FRMD6: variants seen among roughly 807,000 people sequenced by gnomAD.
FRMD6 encodes FERM domain containing 6, also known as FERM domain-containing protein 6.
A neutral mutation model predicts 73.2 loss-of-function variants in FRMD6; 37 were observed. The ratio of observed to expected loss-of-function variants is 0.51; its 90% CI spans 0.39 to 0.66. The LOEUF is 0.66. FRMD6 is among the 30% of genes least tolerant of loss of function. The probability of loss-of-function intolerance (pLI) is 0.00; values close to 1 mark genes in which losing one functional copy is unlikely to be tolerated. For synonymous variants in FRMD6, 273 were observed against 282.2 expected, an observed-to-expected ratio of 0.97 and a Z score of 0.33; for missense variants, 714 against 780.5, an observed-to-expected ratio of 0.91 and a Z score of 1.02.
chr14:51,559,498 C>A (rs1377980297), intron 1 of FRMD6, among the ~76,000 whole-genome samples: 1 of 149,290 alleles, frequency 6.7e-6, no homozygotes, highest in Admixed American at 6.7e-5. Flanking sequence ...TTTTTTTAAG[C>A]AAGCCTTCCT....
At chr14:51,601,343 AT>A (rs1890029311) in intron 2 of FRMD6, among the ~76,000 whole-genome samples, 1 of 152,166 alleles carries the variant, frequency 6.6e-6, no homozygotes. Context: ...GTAGGATGTG[AT>A]TTTTAGGAAA....
chr14:51,720,807 G>A (rs1252854762), intron 11 of FRMD6, among the ~76,000 whole-genome samples: 2 of 152,152 alleles, frequency 1.3e-5, no homozygotes, highest in African/African-American at 4.8e-5. Flanking sequence ...ATGCCATTGA[G>A]TTACTTAGTA....
the FRMD6 span, among the ~76,000 whole-genome samples, chr14:51,426,999 C>G: frequency 4.6e-5 from 7 of 152,180 alleles, no homozygotes; most frequent in Admixed American, 4.6e-4. Context: ...GGAACAGTTA[C>G]CAATTTTTCT....
At chr14:51,538,485 A>G (rs942192052) in intron 1 of FRMD6, among the ~76,000 whole-genome samples, 4 of 152,190 alleles carry the variant, frequency 2.6e-5, no homozygotes, top group Admixed American at 1.3e-4. Context: ...ATCCAAGAAC[A>G]GGAAGATTTA....
intron 2 of FRMD6, among the ~76,000 whole-genome samples, chr14:51,628,378 G>A (rs1378116966): frequency 6.6e-6 from 1 of 152,086 alleles, no homozygotes; most frequent in Non-Finnish European, 1.5e-5. Context: ...CCCTTTTAGA[G>A]TTGTGTAATG....
Position 51,701,129 on chromosome 14 carries a change from C to T in FRMD6, c.264C>T (p.Ala88=). The change falls in exon 4 of 14, where the codon GCC becomes GCT. Residue 88 remains alanine (A), a synonymous_variant. Coordinates refer to ENST00000344768, the MANE Select transcript of FRMD6 (RefSeq NM_001267046.2). Reference sequence around the variant, plus strand: ...GTCCAAAAGAATGGAAGAAAGAGGCCAGCAAGGTACGACAATACGAAGTCA... The same window carrying T: ...GTCCAAAAGAATGGAAGAAAGAGGCTAGCAAGGTACGACAATACGAAGTCA... The part of the protein sequence containing the change: ...KYCPKEWKKE[A]SKVRQYEVTW... 6.3e-7 allele frequency: 1 copy of T among 1,582,370 alleles called. No homozygotes were observed. Among genetic ancestry groups the T allele is most frequent in the Non-Finnish European group, 8.6e-7 (1 of 1,161,212 alleles).
intron 10 of FRMD6, among the ~76,000 whole-genome samples, chr14:51,718,759 G>C (rs1253978487): frequency 6.6e-6 from 1 of 152,110 alleles, no homozygotes; most frequent in African/African-American, 2.4e-5. Flanking sequence ...CAGTTCCTTA[G>C]AACAATGTGA....
intron 1 of FRMD6, among the ~76,000 whole-genome samples, chr14:51,551,222 G>A (rs963665870): frequency 6.6e-6 from 1 of 152,114 alleles, no homozygotes; most frequent in Non-Finnish European, 1.5e-5. Flanking sequence ...AATCCAGAAG[G>A]TTTATTCTTG....
intron 2 of FRMD6, among the ~76,000 whole-genome samples, chr14:51,646,731 C>T (rs1892092925): frequency 6.6e-6 from 1 of 151,188 alleles, no homozygotes; most frequent in Non-Finnish European, 1.5e-5. Context: ...TGTACTAGAG[C>T]TCTTCTATCT....
At chr14:51,500,961 A>G (rs989716345) in intron 1 of FRMD6, among the ~76,000 whole-genome samples, 4 of 152,218 alleles carry the variant, frequency 2.6e-5, no homozygotes, top group African/African-American at 9.6e-5. Flanking sequence ...GGATTTTGCC[A>G]TGAATAGTTA....
At chr14:51,603,550 G>C (rs1479124259) in intron 2 of FRMD6, among the ~76,000 whole-genome samples, 1 of 151,958 alleles carries the variant, frequency 6.6e-6, no homozygotes, top group African/African-American at 2.4e-5. Context: ...TGATACTAGA[G>C]ATGGTTAGAA....
the FRMD6 span, among the ~76,000 whole-genome samples, chr14:51,423,025 A>G: frequency 6.6e-6 from 1 of 152,182 alleles, no homozygotes; most frequent in Non-Finnish European, 1.5e-5. Flanking sequence ...TGAACATGGA[A>G]GTCTTCCCCA....
At chr14:51,450,873 G>A in the FRMD6 span, among the ~76,000 whole-genome samples, 2 of 152,178 alleles carry the variant, frequency 1.3e-5, no homozygotes, top group Admixed American at 1.3e-4. Flanking sequence ...GAGGCAAGGA[G>A]AATGCTGTGT....
At chr14:51,521,731 G>T (rs1404419979) in intron 1 of FRMD6, among the ~76,000 whole-genome samples, 1 of 150,470 alleles carries the variant, frequency 6.6e-6, no homozygotes, top group Non-Finnish European at 1.5e-5. Flanking sequence ...AAAAAAAAAA[G>T]GCTAGCAGGG....
At chr14:51,701,373 A>C (rs1251683862) in intron 4 of FRMD6, among the ~76,000 whole-genome samples, 3 of 145,154 alleles carry the variant, frequency 2.1e-5, no homozygotes, top group Non-Finnish European at 4.5e-5. Context: ...ATATATGCTG[A>C]GTATATATAT....
At chr14:51,599,058 CTTTTTTTTT>C (rs59151771) in intron 2 of FRMD6, among the ~76,000 whole-genome samples, 2,576 of 72,848 alleles carry the variant, frequency 0.035, 121 homozygotes, top group African/African-American at 0.13. Flanking sequence ...CAGTATCTGT[CTTTTTTTTT>C]TTTTTTTTTT....
intron 1 of FRMD6, among the ~76,000 whole-genome samples, chr14:51,500,387 C>CGTG (rs1883544004): frequency 6.6e-6 from 1 of 151,984 alleles, no homozygotes; most frequent in East Asian, 1.9e-4. Flanking sequence ...ATTAGCCAGG[C>CGTG]GTGGTGGCAC....
chr14:51,464,006 C>T, the FRMD6 span, among the ~76,000 whole-genome samples: 3 of 152,108 alleles, frequency 2.0e-5, no homozygotes, highest in South Asian at 2.1e-4. Context: ...GACGGGGTTT[C>T]GCTATGTTGC....
intron 2 of FRMD6, chr14:51,637,586 C>G (rs1467523): frequency 0.75 from 114,090 of 151,632 alleles, 43,340 homozygotes; most frequent in Non-Finnish European, 0.81. Context: ...CAAATGGCAT[C>G]TTATCAGCGC....
Sources: allele counts gnomAD v4.1 joint callset (sites outside exome capture counted in the v4.1 genomes callset), GRCh38; gene constraint gnomAD v4.1.1; transcripts MANE v1.5; gene names NCBI Gene and HGNC (gene_info 2026-07-23, HGNC 2026-07-21).